Variants in MPPED1 observed in about 807,000 individuals in gnomAD.
MPPED1 encodes the protein metallophosphoesterase domain-containing protein 1.
MPPED1 carries 16 observed loss-of-function variants against 36.2 expected under a neutral mutation model. The ratio of observed to expected loss-of-function variants is 0.44; its 90% CI spans 0.30 to 0.67. MPPED1 has a LOEUF of 0.67. MPPED1 is among the 30% of genes least tolerant of loss of function. MPPED1 has a pLI of 0.10. For synonymous variants in MPPED1, 199 were observed against 191.3 expected (o/e 1.04, Z -0.33); for missense variants, 307 against 453.4 (o/e 0.68, Z 2.93).
In MPPED1 at chr22:43,500,521, A is replaced by T. The variant is rs1282722596; in HGVS notation, c.749-2123A>T. Among the ~76,000 whole-genome samples the T allele has an allele frequency of 3.3e-5, 5 of 150,850 alleles. No individual in the cohort carries two copies. The East Asian group carries it at 9.7e-4, about 29-fold the overall frequency. On this transcript the variant is annotated intron_variant, in intron 5 of 6. Transcript: ENST00000443721. ...CACTCGCTTTACATCAGCAGGAGGG[A>T]GTTTTCTGTATCCTTATGTGTGCCA...
At chr22:43,450,842 T>G (rs1281148670) in intron 3 of MPPED1, among the ~76,000 whole-genome samples, 1 of 152,116 alleles carries the variant, frequency 6.6e-6, no homozygotes, top group Non-Finnish European at 1.5e-5. Flanking sequence ...TTCTCCTGCC[T>G]CAGCCTCCCG....
chr22:43,446,569 C>A (rs992655221), intron 3 of MPPED1, among the ~76,000 whole-genome samples: 1 of 152,092 alleles, frequency 6.6e-6, no homozygotes, highest in Non-Finnish European at 1.5e-5. Flanking sequence ...GTGGCTGGAA[C>A]CCCACGGAGA....
intron 3 of MPPED1, among the ~76,000 whole-genome samples, chr22:43,439,606 G>A (rs1361564637): frequency 6.6e-6 from 1 of 152,236 alleles, no homozygotes. Flanking sequence ...GTAGAACGGG[G>A]AGAATTATTT....
chr22:43,418,251 C>A, intron 1 of MPPED1: 1 of 436,070 alleles, frequency 2.3e-6, no homozygotes, highest in Middle Eastern at 3.7e-4. Context: ...CAGATGTGAA[C>A]TGGGGCTGTC....
At chr22:43,432,920 G>GGAGAGAGAGAGGGAAAGAGAAAGGGAGGA (rs1569067648) in intron 2 of MPPED1, among the ~76,000 whole-genome samples, 4 of 62,704 alleles carry the variant, frequency 6.4e-5, no homozygotes, top group Non-Finnish European at 2.1e-4. Flanking sequence ...GAGAAAGGGA[G>GGAGAGAGAGAGGGAAAGAGAAAGGGAGGA]GAGAGAGAGA....
At chr22:43,497,070 A>AGATGGTGGTGGAAGT (rs1555904442) in intron 4 of MPPED1, among the ~76,000 whole-genome samples, 3 of 84,576 alleles carry the variant, frequency 3.5e-5, no homozygotes, top group Admixed American at 1.1e-4. Flanking sequence ...GTGGTGGTGG[A>AGATGGTGGTGGAAGT]GGTGGTGGTG....
At chr22:43,429,030 G>A (rs957510336) in intron 2 of MPPED1, among the ~76,000 whole-genome samples, 5 of 152,188 alleles carry the variant, frequency 3.3e-5, no homozygotes, top group Non-Finnish European at 7.3e-5. Context: ...AGAGACTTGA[G>A]TCATCGCTTA....
At chr22:43,499,618 T>C (rs1436843404) in intron 5 of MPPED1, among the ~76,000 whole-genome samples, 1 of 35,106 alleles carries the variant, frequency 2.8e-5, no homozygotes, top group Non-Finnish European at 5.0e-5. Flanking sequence ...GTGGTGATGG[T>C]GGTGGTGATG....
chr22:43,448,229 T>C (rs1214459184), intron 3 of MPPED1, among the ~76,000 whole-genome samples: 2 of 152,138 alleles, frequency 1.3e-5, no homozygotes, highest in African/African-American at 4.8e-5. Context: ...ACACCAGCAT[T>C]GTGCAACTTC....
chr22:43,436,488 G>A (rs1274432446), intron 3 of MPPED1, among the ~76,000 whole-genome samples: 1 of 152,260 alleles, frequency 6.6e-6, no homozygotes, highest in Non-Finnish European at 1.5e-5. Context: ...GCAGGCAGAG[G>A]GCTTTAAATA....
intron 2 of MPPED1, among the ~76,000 whole-genome samples, chr22:43,428,043 C>A (rs1929542450): frequency 1.3e-5 from 2 of 152,280 alleles, no homozygotes; most frequent in Middle Eastern, 3.4e-3. Context: ...ACATGCCAGG[C>A]CTGGTGAGGT....
At chr22:43,484,305 A>AGAT (rs1446522815) in intron 4 of MPPED1, among the ~76,000 whole-genome samples, 1 of 152,234 alleles carries the variant, frequency 6.6e-6, no homozygotes, top group Admixed American at 6.5e-5. Context: ...CCCATCTTAC[A>AGAT]GATGGGTCAG....
At chr22:43,504,634 G>A (rs752136665) in intron 6 of MPPED1, among the ~76,000 whole-genome samples, 10 of 151,976 alleles carry the variant, frequency 6.6e-5, no homozygotes, top group Non-Finnish European at 1.0e-4. Flanking sequence ...ACTAGTGATG[G>A]TGGTGGTGAG....
At chr22:43,449,380 G>A (rs954041599) in intron 3 of MPPED1, among the ~76,000 whole-genome samples, 3 of 151,990 alleles carry the variant, frequency 2.0e-5, no homozygotes, top group Middle Eastern at 3.4e-3. Context: ...GATCTGGATC[G>A]TCAGGTACAC....
intron 3 of MPPED1, among the ~76,000 whole-genome samples, chr22:43,466,250 G>A (rs375438131): frequency 1.3e-5 from 2 of 152,200 alleles, no homozygotes; most frequent in African/African-American, 2.4e-5. Flanking sequence ...ATGAGGACCC[G>A]TGGAGGCTGG....
chr22:43,438,701 G>T lies in MPPED1; in HGVS notation c.406+3486G>T, dbSNP rs1039596045. Among the ~76,000 whole-genome samples, 6 of 152,216 alleles carry T rather than the reference G, an allele frequency of 3.9e-5. No homozygotes were observed. In the East Asian group the frequency reaches 1.2e-3, roughly 29 times the overall value. ...TCTGTGTCTGATTTTCTATAGGGGA[G>T]GGGTGTGTTTTTCTGGTAATTTCAA... On this transcript the variant is annotated intron_variant, in intron 3 of 6. Transcript: ENST00000443721.
At chr22:43,414,705 CA>C (rs1929016984) in intron 1 of MPPED1, among the ~76,000 whole-genome samples, 1 of 152,180 alleles carries the variant, frequency 6.6e-6, no homozygotes, top group Non-Finnish European at 1.5e-5. Context: ...TTTAATGTGA[CA>C]ATGTGACATG....
At chr22:43,485,829 C>G (rs1931896522) in intron 4 of MPPED1, among the ~76,000 whole-genome samples, 1 of 152,266 alleles carries the variant, frequency 6.6e-6, no homozygotes, top group Admixed American at 6.5e-5. Flanking sequence ...TTCGGTTCCA[C>G]TTATCTTGCT....
intron 4 of MPPED1, 74 bp downstream of exon 4, chr22:43,475,035 A>T (rs1054635947): frequency 1.4e-5 from 20 of 1,382,050 alleles, no homozygotes; most frequent in Non-Finnish European, 1.8e-5. Flanking sequence ...GGTGTAGGGG[A>T]TGGGAGTAGC....
Sources: allele counts gnomAD v4.1 joint callset (sites outside exome capture counted in the v4.1 genomes callset), GRCh38; gene constraint gnomAD v4.1.1; transcripts MANE v1.5; gene names NCBI Gene and HGNC (gene_info 2026-07-23, HGNC 2026-07-21).